The following PAM variants were observed in gnomAD, a reference collection of about 807,000 sequenced individuals.
The protein encoded by PAM is peptidylglycine alpha-amidating monooxygenase.
PAM carries 72 observed loss-of-function variants against 122.1 expected under a neutral mutation model. That is an observed-to-expected ratio of 0.59 (90% confidence interval 0.49 to 0.72). PAM has a LOEUF of 0.72. Among genes scored for constraint, PAM ranks in the 30% least tolerant of loss-of-function variants. PAM has a pLI of 0.00. For synonymous variants in PAM, 389 were observed against 404.4 expected, an observed-to-expected ratio of 0.96 and a Z score of 0.46; for missense variants, 1,106 against 1,183.7, an observed-to-expected ratio of 0.93 and a Z score of 0.96.
chr5:102,965,199 C>T (rs1763719135), intron 14 of PAM, among the ~76,000 whole-genome samples: 1 of 116,630 alleles, frequency 8.6e-6, no homozygotes, highest in South Asian at 2.5e-4. Context: ...ACACACACAC[C>T]TCACATATAT....
At chr5:102,914,745 G>A (rs779243796) in intron 5 of PAM, among the ~76,000 whole-genome samples, 1 of 152,044 alleles carries the variant, frequency 6.6e-6, no homozygotes, top group South Asian at 2.1e-4. Context: ...AACAAAACTG[G>A]TGCAAGATAA....
In PAM at chr5:102,866,222, A is replaced by G. The variant is rs1291488987; in HGVS notation, c.27A>G (p.Leu9=). 1.9e-6 allele frequency: 3 copies of G among 1,613,198 alleles called. No individual in the cohort carries two copies. The highest frequency in any genetic ancestry group is 2.5e-6 in the Non-Finnish European group (3 of 1,179,608). ...TGGCTGGCCGCGTCCCTAGCCTGCT[A>G]GTTCTCCTTGTTTTTCCAAGCAGCT... MAGRVPSL[L]VLLVFPSSCL... is the part of the protein sequence containing the mutation. Residue 9 remains leucine, a synonymous_variant, in exon 2 of 26, where the codon CTA becomes CTG. Transcript: ENST00000438793.
intron 5 of PAM, among the ~76,000 whole-genome samples, chr5:102,917,911 T>A (rs938887881): frequency 6.6e-6 from 1 of 152,190 alleles, no homozygotes; most frequent in Non-Finnish European, 1.5e-5. Flanking sequence ...GATTTTAATT[T>A]TAAAGTTTTT....
chr5:102,819,613 T>C (rs888487864), intron 1 of PAM, among the ~76,000 whole-genome samples: 9 of 152,276 alleles, frequency 5.9e-5, no homozygotes, highest in Admixed American at 5.9e-4. Context: ...ACCATTGCAC[T>C]GCAATAAAAT....
intron 1 of PAM, among the ~76,000 whole-genome samples, chr5:102,822,261 C>T (rs886545293): frequency 3.3e-5 from 5 of 152,008 alleles, no homozygotes; most frequent in Non-Finnish European, 5.9e-5. Flanking sequence ...TATTCATTTG[C>T]TCATTCATCT....
intron 1 of PAM, among the ~76,000 whole-genome samples, chr5:102,862,849 C>CAATAAA (rs1784548047): frequency 2.0e-5 from 3 of 152,028 alleles, no homozygotes; most frequent in Non-Finnish European, 4.4e-5. Context: ...AATAGTGGAC[C>CAATAAA]CAGGAATCAG....
At chr5:102,957,512 G>T (rs1196131602) in intron 12 of PAM, among the ~76,000 whole-genome samples, 1 of 151,322 alleles carries the variant, frequency 6.6e-6, no homozygotes, top group Non-Finnish European at 1.5e-5. Flanking sequence ...ATTTTTGTTT[G>T]TTTGCTTTTT....
At chr5:102,933,261 G>A (rs972602608) in intron 7 of PAM, among the ~76,000 whole-genome samples, 2 of 152,208 alleles carry the variant, frequency 1.3e-5, no homozygotes, top group Non-Finnish European at 2.9e-5. Flanking sequence ...AGTTAGATAT[G>A]GAATCTAGAT....
chr5:102,983,952 A>C (rs1207300623), intron 15 of PAM, among the ~76,000 whole-genome samples: 1 of 152,246 alleles, frequency 6.6e-6, no homozygotes, highest in Non-Finnish European at 1.5e-5. Flanking sequence ...TTTCCCAGAC[A>C]AGCAAAACTT....
intron 12 of PAM, among the ~76,000 whole-genome samples, chr5:102,956,299 A>G (rs956002711): frequency 6.6e-6 from 1 of 152,158 alleles, no homozygotes; most frequent in Admixed American, 6.5e-5. Flanking sequence ...GTATATGTGC[A>G]TGTGTGTACA....
At chr5:103,017,667 T>C (rs1199891307) in intron 22 of PAM, among the ~76,000 whole-genome samples, 1 of 152,202 alleles carries the variant, frequency 6.6e-6, no homozygotes, top group Non-Finnish European at 1.5e-5. Flanking sequence ...AAGTACTGTC[T>C]GTTACATTAA....
At position 102,974,365 on chromosome 5, in the gene PAM, C is replaced by A; in HGVS notation, c.1412C>A (p.Pro471Gln). 6.2e-7 allele frequency: 1 copy of A among 1,613,990 alleles called. No homozygotes were observed. The highest frequency in any genetic ancestry group is 8.5e-7 in the Non-Finnish European group (1 of 1,179,896). The part of the protein sequence containing the change: ...FHRLVSTLRP[P>Q]ESRVFSLQQP... ...AGACTAGTATCTACCTTGAGGCCAC[C>A]AGAGAGCAGAGTTTTCTCATTACAG... The change falls in exon 15 of 26, where the codon CCA becomes CAA. Residue 471 changes from proline to glutamine, a missense_variant. Transcript: ENST00000438793.
In PAM at chr5:102,938,079, C is replaced by G. The variant is rs141726742; in HGVS notation, c.527-8758C>G. Among the ~76,000 whole-genome samples the G allele has an allele frequency of 8.7e-4, 132 of 152,238 alleles. 1 individual carries two copies. Among genetic ancestry groups the G allele is most frequent in the African/African-American group, 3.1e-3 (129 of 41,548 alleles). ...GTTCTTCTCTAACCTTCATTATACA[C>G]AAGCAGCTTGATGTGAGTCATGCGA... is the stretch of plus-strand genomic sequence containing the variant. On this transcript the variant is annotated intron_variant, in intron 7 of 25. Transcript: ENST00000438793.
In PAM at chr5:102,948,302, A is replaced by T. The variant is rs557912419; in HGVS notation, c.576-76A>T. 5.4e-6 allele frequency: 4 copies of T among 739,578 alleles called. No homozygotes were observed. The Admixed American group carries it at 8.7e-5, about 16-fold the overall frequency. 45.8% of individuals were successfully genotyped at this position (739,578 alleles called of 1,614,324 possible). Reference sequence around the variant, plus strand: ...TCACATTTTATAAACCAAAGTATTGAGGTATATGCTGTTTTTCCAAAACAG... The same window carrying T: ...TCACATTTTATAAACCAAAGTATTGTGGTATATGCTGTTTTTCCAAAACAG... On this transcript the variant is annotated intron_variant, in intron 8 of 25. Transcript: ENST00000438793.
In PAM at chr5:102,860,687, C is replaced by CA. The variant is rs533419595; in HGVS notation, c.-373-5125dup. Among the ~76,000 whole-genome samples the CA allele has an allele frequency of 1.8e-3, 243 of 136,544 alleles. 1 individual carries two copies. The highest frequency in any genetic ancestry group is 8.0e-3 in the South Asian group (34 of 4,276). 89.6% of individuals were successfully genotyped at this position (136,544 alleles called of 152,430 possible). On this transcript the variant is annotated intron_variant, in intron 1 of 25. Coordinates refer to ENST00000438793, the MANE Select transcript of PAM (RefSeq NM_001177306.2). ...GGCAACAGAGCGTGAGACCCTGTCT[C>CA]AAAAAAAAAAATAATAAAATAACCG...
intron 7 of PAM, among the ~76,000 whole-genome samples, chr5:102,930,285 C>T (rs1751025707): frequency 1.3e-5 from 2 of 151,958 alleles, no homozygotes; most frequent in Admixed American, 1.3e-4. Context: ...TGTTTATAGG[C>T]AATAATAATA....
chr5:103,011,189 C>A (rs1358934740), intron 21 of PAM, among the ~76,000 whole-genome samples: 1 of 152,150 alleles, frequency 6.6e-6, no homozygotes, highest in Non-Finnish European at 1.5e-5. Context: ...TGATGGAGAG[C>A]CACGTCTGTG....
intron 23 of PAM, among the ~76,000 whole-genome samples, chr5:103,024,377 C>A (rs898300286): frequency 3.3e-5 from 5 of 152,086 alleles, no homozygotes; most frequent in African/African-American, 1.2e-4. Context: ...GCCAATGTTA[C>A]AGAATAGTTT....
intron 17 of PAM, among the ~76,000 whole-genome samples, chr5:103,004,900 T>A (rs1346412331): frequency 6.6e-6 from 1 of 152,200 alleles, no homozygotes; most frequent in African/African-American, 2.4e-5. Flanking sequence ...TACTTTATAA[T>A]AAACATTTGT....
Sources: allele counts gnomAD v4.1 joint callset (sites outside exome capture counted in the v4.1 genomes callset), GRCh38; gene constraint gnomAD v4.1.1; transcripts MANE v1.5; gene names NCBI Gene and HGNC (gene_info 2026-07-23, HGNC 2026-07-21).